DLG2: variants seen among roughly 807,000 people sequenced by gnomAD.
The protein encoded by DLG2 is disks large homolog 2.
A neutral mutation model predicts 132.5 loss-of-function variants in DLG2; 45 were observed. The ratio of observed to expected loss-of-function variants is 0.34; its 90% CI spans 0.27 to 0.44. DLG2 has a LOEUF of 0.44. Ranked by LOEUF, DLG2 falls within the 20% of genes least tolerant of loss-of-function variation. The pLI is 1.00. For missense variants in DLG2, 1,045 were observed against 1,196.9 expected (o/e 0.87, Z 1.87); for synonymous variants, 424 against 419.6 (o/e 1.01, Z -0.13).
intron 5 of DLG2, among the ~76,000 whole-genome samples, chr11:85,144,887 T>A (rs915597104): frequency 1.3e-5 from 2 of 152,122 alleles, no homozygotes; most frequent in Non-Finnish European, 2.9e-5. Context: ...GTATTCTGTA[T>A]TTGGCTGTGT....
intron 7 of DLG2, chr11:84,437,850 C>T (rs928296055): frequency 6.6e-6 from 1 of 152,514 alleles, no homozygotes; most frequent in South Asian, 2.1e-4. Flanking sequence ...AGGCAGCTCA[C>T]CTCCCTCTCT....
intron 6 of DLG2, among the ~76,000 whole-genome samples, chr11:84,629,561 T>G (rs2099628190): frequency 6.6e-6 from 1 of 152,226 alleles, no homozygotes; most frequent in African/African-American, 2.4e-5. Flanking sequence ...GTGAAAACTT[T>G]GAAGAGTTCA....
At chr11:85,169,420 G>A (rs1227616791) in intron 4 of DLG2, among the ~76,000 whole-genome samples, 1 of 152,080 alleles carries the variant, frequency 6.6e-6, no homozygotes, top group African/African-American at 2.4e-5. Flanking sequence ...ACATGCAAGT[G>A]TGCACATACA....
rs374923928 is a variant in DLG2 at position 84,730,620 on chromosome 11, G to C, written c.358-195889C>G. 1.6e-4 allele frequency among the ~76,000 whole-genome samples: 25 copies of C among 152,130 alleles called. No homozygotes were observed. In the East Asian group the frequency reaches 4.5e-3, roughly 27 times the overall value. On this transcript the variant is annotated intron_variant, in intron 6 of 27. Coordinates refer to ENST00000376104, the MANE Select transcript of DLG2 (RefSeq NM_001142699.3). The stretch of plus-strand genomic sequence containing the variant: ...CTTTGAAAGCAGCAATTCATGGGAA[G>C]ACTGACAAGAACATGGCTCATTTTA...
chr11:84,104,370 C>T (rs758154651), intron 9 of DLG2, among the ~76,000 whole-genome samples: 13 of 151,800 alleles, frequency 8.6e-5, no homozygotes, highest in South Asian at 4.1e-4. Context: ...AGCTAAACAT[C>T]GGGTACACAT....
At chr11:83,945,145 G>A (rs11233831) in intron 14 of DLG2, among the ~76,000 whole-genome samples, 4,938 of 152,244 alleles carry the variant, frequency 0.032, 127 homozygotes, top group East Asian at 0.14. Context: ...ACATGGTGGC[G>A]CACGCCTATA....
intron 3 of DLG2, among the ~76,000 whole-genome samples, chr11:85,386,489 C>A (rs2086335172): frequency 6.6e-6 from 1 of 151,826 alleles, no homozygotes; most frequent in African/African-American, 2.4e-5. Flanking sequence ...GTTCTTTTTT[C>A]AACTGTAAAA....
chr11:84,936,012 C>A (rs1448441317), intron 6 of DLG2, among the ~76,000 whole-genome samples: 4 of 152,168 alleles, frequency 2.6e-5, no homozygotes, highest in Non-Finnish European at 5.9e-5. Context: ...GGCTTCCATG[C>A]CAGATTTTAA....
At chr11:85,381,396 C>T (rs181967658) in intron 3 of DLG2, among the ~76,000 whole-genome samples, 5 of 152,268 alleles carry the variant, frequency 3.3e-5, no homozygotes, top group East Asian at 1.9e-4. Context: ...TAACATCATA[C>T]TTAATGGTGA....
At chr11:85,234,816 C>A (rs753195317) in intron 4 of DLG2, among the ~76,000 whole-genome samples, 1 of 151,876 alleles carries the variant, frequency 6.6e-6, no homozygotes, top group Non-Finnish European at 1.5e-5. Context: ...GATAAAATAA[C>A]CTTTTTTATT....
At chr11:85,610,421 C>A (rs914308360) in intron 2 of DLG2, among the ~76,000 whole-genome samples, 3 of 152,194 alleles carry the variant, frequency 2.0e-5, no homozygotes, top group Non-Finnish European at 4.4e-5. Context: ...CTGTTCTGGA[C>A]CTCAAGGATG....
At chr11:85,122,837 C>T (rs139259240) in intron 5 of DLG2, among the ~76,000 whole-genome samples, 71 of 147,434 alleles carry the variant, frequency 4.8e-4, no homozygotes, top group African/African-American at 1.7e-3. Context: ...TATATATATA[C>T]ACACACACAC....
intron 19 of DLG2, among the ~76,000 whole-genome samples, chr11:83,620,869 CAA>C (rs56868518): frequency 5.9e-4 from 34 of 57,212 alleles, no homozygotes; most frequent in African/African-American, 2.0e-3. Flanking sequence ...GACTCCGTCT[CAA>C]AAAAAAAAAA....
intron 3 of DLG2, among the ~76,000 whole-genome samples, chr11:85,597,521 G>A (rs1406344911): frequency 6.6e-6 from 1 of 151,700 alleles, no homozygotes; most frequent in Admixed American, 6.6e-5. Context: ...ATTCTTGCTA[G>A]CCACAATAAA....
chr11:85,202,217 G>A (rs554373804), intron 4 of DLG2, among the ~76,000 whole-genome samples: 16 of 151,090 alleles, frequency 1.1e-4, no homozygotes, highest in Admixed American at 9.9e-4. Flanking sequence ...GGTGAAAGGT[G>A]AACAAGCATA....
chr11:84,164,136 G>T (rs57803795), intron 8 of DLG2, among the ~76,000 whole-genome samples: 4,240 of 152,188 alleles, frequency 0.028, 190 homozygotes, highest in African/African-American at 0.092. Flanking sequence ...GCTTAGTGAC[G>T]AATTGTTTCA....
intron 11 of DLG2, among the ~76,000 whole-genome samples, chr11:83,985,332 TTTTTTA>T (rs1443865053): frequency 6.6e-6 from 1 of 152,076 alleles, no homozygotes; most frequent in Non-Finnish European, 1.5e-5. Context: ...TGACGTTTCT[TTTTTTA>T]TTTTTATTTT....
chr11:83,805,172 T>C (rs1182736788), intron 17 of DLG2, among the ~76,000 whole-genome samples: 2 of 152,072 alleles, frequency 1.3e-5, no homozygotes, highest in Non-Finnish European at 2.9e-5. Context: ...TATAAGGTGG[T>C]TTATTTGAGA....
chr11:84,774,239 A>G (rs2069980627), intron 6 of DLG2, among the ~76,000 whole-genome samples: 1 of 152,108 alleles, frequency 6.6e-6, no homozygotes, highest in South Asian at 2.1e-4. Flanking sequence ...GAGGTAAAAG[A>G]CTTCTACAGA....
Sources: gnomAD v4.1 joint callset for allele counts (sites outside exome capture counted in the v4.1 genomes callset) on GRCh38, gnomAD v4.1.1 for gene constraint, MANE v1.5 for transcripts, NCBI Gene and HGNC (gene_info 2026-07-23, HGNC 2026-07-21) for gene names.